Variants in RUNX2 observed in about 807,000 individuals in gnomAD.
RUNX2 encodes the protein runt-related transcription factor 2.
In RUNX2, 10 loss-of-function variants were observed where a neutral mutation model predicts 51.7. The observed-to-expected ratio is 0.19, with a 90% CI of 0.12 to 0.33. RUNX2 has a LOEUF of 0.33. Among genes scored for constraint, RUNX2 ranks in the 10% least tolerant of loss-of-function variants. RUNX2 has a pLI of 1.00. For missense variants in RUNX2, 562 were observed against 691.3 expected, an observed-to-expected ratio of 0.81 and a Z score of 2.10; for synonymous variants, 276 against 273.6, an observed-to-expected ratio of 1.01 and a Z score of -0.09.
intron 7 of RUNX2, among the ~76,000 whole-genome samples, chr6:45,513,093 A>C (rs1213038729): frequency 8.5e-5 from 13 of 152,298 alleles, no homozygotes; most frequent in African/African-American, 2.9e-4. Flanking sequence ...TGTGTGTGAC[A>C]GATGACCTGG....
intron 2 of RUNX2, among the ~76,000 whole-genome samples, chr6:45,367,585 T>C (rs1331577482): frequency 6.6e-6 from 1 of 152,096 alleles, no homozygotes; most frequent in African/African-American, 2.4e-5. Context: ...CCTCAGGAAA[T>C]GTTCCCTTGT....
chr6:45,492,304 C>T (rs935094899), intron 6 of RUNX2, among the ~76,000 whole-genome samples, 190 bp downstream of exon 6: 2 of 151,988 alleles, frequency 1.3e-5, no homozygotes, highest in African/African-American at 4.8e-5. Flanking sequence ...TTGGGGATAA[C>T]ATTTTGGGGG....
chr6:45,421,220 G>A (rs1390577301), intron 2 of RUNX2: 3 of 151,974 alleles, frequency 2.0e-5, no homozygotes, highest in Non-Finnish European at 2.9e-5. Context: ...CCCCAGCAAG[G>A]GTTTTGCAAC....
intron 2 of RUNX2, among the ~76,000 whole-genome samples, chr6:45,419,324 C>T (rs1471132456): frequency 2.0e-5 from 3 of 151,908 alleles, no homozygotes; most frequent in East Asian, 1.9e-4. Context: ...CCCATAACTG[C>T]TTCCCCCCTT....
intron 7 of RUNX2, among the ~76,000 whole-genome samples, chr6:45,514,939 T>G (rs1801273336): frequency 7.7e-6 from 1 of 129,484 alleles, no homozygotes; most frequent in African/African-American, 3.6e-5. Context: ...TAATTTGGGT[T>G]TTTTTTTTTT....
chr6:45,404,288 G>GAA (rs777636640), intron 2 of RUNX2, among the ~76,000 whole-genome samples: 84 of 106,136 alleles, frequency 7.9e-4, no homozygotes, highest in African/African-American at 2.2e-3. Flanking sequence ...AAAGAAAAAA[G>GAA]AAAAAAAAAA....
intron 5 of RUNX2, among the ~76,000 whole-genome samples, chr6:45,444,242 G>T (rs114154006): frequency 0.01 from 1,527 of 152,314 alleles, 30 homozygotes; most frequent in African/African-American, 0.035. Context: ...ATGTGAGTGG[G>T]TTTCTAAAAA....
intron 2 of RUNX2, among the ~76,000 whole-genome samples, chr6:45,345,958 C>T (rs1342945553): frequency 4.6e-5 from 7 of 152,216 alleles, no homozygotes; most frequent in South Asian, 2.1e-4. Flanking sequence ...TGCTGTCTCC[C>T]GTACTTGCAA....
intron 3 of RUNX2, among the ~76,000 whole-genome samples, chr6:45,429,970 T>C (rs914267302): frequency 6.6e-6 from 1 of 151,920 alleles, no homozygotes; most frequent in East Asian, 1.9e-4. Context: ...GGTGCACACC[T>C]GTAATCCCAG....
intron 2 of RUNX2, among the ~76,000 whole-genome samples, chr6:45,381,107 A>G (rs989403569): frequency 9.2e-5 from 14 of 152,198 alleles, no homozygotes; most frequent in Admixed American, 6.5e-4. Context: ...GTATATTGCA[A>G]TTGTTGCTAT....
At chr6:45,379,595 G>T (rs1797180794) in intron 2 of RUNX2, among the ~76,000 whole-genome samples, 1 of 152,066 alleles carries the variant, frequency 6.6e-6, no homozygotes, top group East Asian at 1.9e-4. Flanking sequence ...GGCCAGGCGC[G>T]GTGGCTCACG....
At chr6:45,382,299 G>C (rs1342448470) in intron 2 of RUNX2, among the ~76,000 whole-genome samples, 1 of 152,178 alleles carries the variant, frequency 6.6e-6, no homozygotes, top group East Asian at 1.9e-4. Flanking sequence ...GCAGAAGTTA[G>C]ACAATAAAAA....
chr6:45,370,392 A>G (rs1327894423), intron 2 of RUNX2, among the ~76,000 whole-genome samples: 1 of 152,190 alleles, frequency 6.6e-6, no homozygotes, highest in Admixed American at 6.5e-5. Context: ...TGGGAAGGAA[A>G]AAAAAAACAG....
chr6:45,467,732 A>G (rs1472462826), intron 5 of RUNX2, among the ~76,000 whole-genome samples: 1 of 152,186 alleles, frequency 6.6e-6, no homozygotes, highest in Non-Finnish European at 1.5e-5. Context: ...TCATGTGAGC[A>G]GTCACCTTGA....
intron 5 of RUNX2, among the ~76,000 whole-genome samples, chr6:45,445,354 A>G (rs1798962956): frequency 6.6e-6 from 1 of 152,192 alleles, no homozygotes; most frequent in Admixed American, 6.5e-5. Context: ...GATTGGTCAC[A>G]TGTGAAATAA....
chr6:45,524,380 G>A (rs1351921377), intron 7 of RUNX2, among the ~76,000 whole-genome samples: 1 of 152,144 alleles, frequency 6.6e-6, no homozygotes, highest in African/African-American at 2.4e-5. Context: ...GTGACCTTAA[G>A]TGATCAACCC....
At chr6:45,329,278 T>A (rs1389312201) in intron 2 of RUNX2, among the ~76,000 whole-genome samples, 3 of 152,008 alleles carry the variant, frequency 2.0e-5, no homozygotes, top group Non-Finnish European at 1.5e-5. Flanking sequence ...GTAGTACAGT[T>A]AACATTTTAA....
At chr6:45,375,452 A>G (rs929077236) in intron 2 of RUNX2, among the ~76,000 whole-genome samples, 7 of 152,210 alleles carry the variant, frequency 4.6e-5, no homozygotes, top group Non-Finnish European at 8.8e-5. Flanking sequence ...TCTGATTTGT[A>G]TATTATGAGC....
intron 7 of RUNX2, among the ~76,000 whole-genome samples, chr6:45,525,421 T>TA (rs1164204081): frequency 2.0e-5 from 3 of 152,208 alleles, no homozygotes; most frequent in Non-Finnish European, 1.5e-5. Flanking sequence ...CTCAAGCATG[T>TA]AGAGTGGTAA....
Sources: allele counts gnomAD v4.1 joint callset (sites outside exome capture counted in the v4.1 genomes callset), GRCh38; gene constraint gnomAD v4.1.1; transcripts MANE v1.5; gene names NCBI Gene and HGNC (gene_info 2026-07-23, HGNC 2026-07-21).